Variants in TEP1 observed in about 807,000 individuals in gnomAD.
TEP1 encodes the protein telomerase protein component 1.
TEP1 carries 241 observed loss-of-function variants against 306.3 expected under a neutral mutation model. That is an observed-to-expected ratio of 0.79 (90% CI 0.71 to 0.88). The LOEUF (loss-of-function observed/expected upper bound fraction) is 0.88, where lower values mean the gene tolerates loss of function less well. Ranked by LOEUF, TEP1 falls within the 40% of genes least tolerant of loss-of-function variation. The pLI is 0.00. For synonymous variants in TEP1, 1,289 were observed against 1,305.5 expected, an observed-to-expected ratio of 0.99 and a Z score of 0.27; for missense variants, 3,051 against 3,276.1, an observed-to-expected ratio of 0.93 and a Z score of 1.68.
intron 1 of TEP1, among the ~76,000 whole-genome samples, chr14:20,412,746 C>T (rs1277025434): frequency 6.9e-6 from 1 of 144,534 alleles, no homozygotes; most frequent in Non-Finnish European, 1.5e-5. Context: ...GCAATCTCTG[C>T]CTGCCGAGTT....
At chr14:20,386,248 G>C in intron 19 of TEP1, 53 bp from the exon 20 acceptor site, 1 of 1,611,090 alleles carries the variant, frequency 6.2e-7, no homozygotes, top group East Asian at 2.2e-5. Context: ...ATGGTATCAG[G>C]GAACATAGGC....
chr14:20,411,782 C>A (rs1879696947), intron 1 of TEP1, among the ~76,000 whole-genome samples: 1 of 151,760 alleles, frequency 6.6e-6, no homozygotes, highest in Non-Finnish European at 1.5e-5. Flanking sequence ...AAATTAGAAA[C>A]CTCTGCCTAA....
intron 53 of TEP1, 80 bp from the exon 54 acceptor site, chr14:20,368,982 G>A: frequency 1.0e-6 from 1 of 956,720 alleles, no homozygotes; most frequent in Non-Finnish European, 1.6e-6. Flanking sequence ...TGCTGTGTCA[G>A]ACCTACAGCC....
At chr14:20,407,791 G>C in intron 2 of TEP1, 82 bp downstream of exon 2, 1 of 1,264,858 alleles carries the variant, frequency 7.9e-7, no homozygotes, top group Non-Finnish European at 1.1e-6. Flanking sequence ...GCAGCACAGA[G>C]GGAAACTGAG....
At chr14:20,383,467 C>A in intron 26 of TEP1, 21 bp downstream of exon 26, 1 of 1,613,992 alleles carries the variant, frequency 6.2e-7, no homozygotes, top group East Asian at 2.2e-5. Context: ...CTCCCGACAC[C>A]CACCTCCTTC....
At chr14:20,395,393 C>T in intron 12 of TEP1, 57 bp downstream of exon 12, 1 of 1,487,466 alleles carries the variant, frequency 6.7e-7, no homozygotes, top group Non-Finnish European at 9.0e-7. Flanking sequence ...TGACTTCCAA[C>T]CTGTGCCAGG....
At chr14:20,375,706 GC>G in intron 43 of TEP1, 48 bp downstream of exon 43, 1 of 1,267,808 alleles carries the variant, frequency 7.9e-7, no homozygotes, top group Non-Finnish European at 1.1e-6. Flanking sequence ...GTGTTGTCTT[GC>G]CCCAGGAACC....
chr14:20,389,327 T>C, intron 16 of TEP1, 30 bp from the exon 17 acceptor site: 2 of 1,611,382 alleles, frequency 1.2e-6, no homozygotes, highest in South Asian at 2.2e-5. Flanking sequence ...TCATTAACCA[T>C]CACAAACAAT....
At chr14:20,409,290 A>G (rs1879445783) in intron 1 of TEP1, among the ~76,000 whole-genome samples, 1 of 152,178 alleles carries the variant, frequency 6.6e-6, no homozygotes, top group South Asian at 2.1e-4. Context: ...TATTCTGACT[A>G]GATCTTCTGA....
At position 20,373,361 on chromosome 14, in the gene TEP1, G is replaced by A; in HGVS notation, c.6723C>T (p.Val2241=). The change falls in exon 47 of 55, where the codon GTC becomes GTT. Residue 2241 remains valine, a synonymous_variant. Coordinates refer to ENST00000262715, the MANE Select transcript of TEP1 (RefSeq NM_007110.5). Reference sequence around the variant, plus strand: ...AGGTTTCTGAAACAGCAGCAGCACGGACTGGGCCGCTGTGTCCCAGGAGGG... The same window carrying A: ...AGGTTTCTGAAACAGCAGCAGCACGAACTGGGCCGCTGTGTCCCAGGAGGG... ...THTLLGHSGP[V]RAAAVSETSG... 1 of 1,614,216 alleles carries A rather than the reference G, an allele frequency of 6.2e-7. No individual in the cohort carries two copies. The highest frequency in any genetic ancestry group is 8.5e-7 in the Non-Finnish European group (1 of 1,180,054).
intron 1 of TEP1, among the ~76,000 whole-genome samples, chr14:20,409,966 G>A (rs1016870735): frequency 1.5e-5 from 2 of 134,120 alleles, no homozygotes; most frequent in African/African-American, 5.5e-5. Flanking sequence ...AGCTTGCAGT[G>A]AGCCCAGATT....
intron 1 of TEP1, 102 bp from the exon 2 acceptor site, chr14:20,408,565 T>A (rs972836230): frequency 8.7e-6 from 8 of 917,278 alleles, no homozygotes; most frequent in South Asian, 5.2e-5. Flanking sequence ...TGCCAATGAT[T>A]TGTGGGTAGA....
Position 20,377,893 on chromosome 14 carries a change from C to T in TEP1, c.5721+131G>A, listed in dbSNP as rs1885287829. On this transcript the variant is annotated intron_variant, in intron 39 of 54. Transcript: ENST00000262715. ...AGCTGCCCCTGCACACAGCGGCACC[C>T]CTCTCCCCGTGGTTCCTGCAATCCA... The T allele has an allele frequency of 4.4e-5, 63 of 1,447,268 alleles. 1 individual carries two copies. The South Asian group carries it at 7.7e-4, about 18-fold the overall frequency. The allele number at this position is 1,447,268 out of a possible 1,614,324, so 89.7% of individuals were successfully genotyped here.
intron 1 of TEP1, among the ~76,000 whole-genome samples, chr14:20,412,680 C>CTTTTTTTTTTTTT (rs10717377): frequency 9.5e-6 from 1 of 105,398 alleles, no homozygotes. Flanking sequence ...TCACTCTTTC[C>CTTTTTTTTTTTTT]TTTTTTTTTT....
In TEP1 at chr14:20,389,258, G is replaced by A. The variant is rs978046286; in HGVS notation, c.2505C>T (p.Gly835=). Residue 835 remains glycine (G), a synonymous_variant, in exon 17 of 55, where the codon GGC becomes GGT. Transcript: ENST00000262715. ...CTCACTTCAGTATCGCATCAGTACA[G>A]CCTGAGAGTGTCACATCATTGGGAT... ...DLNPNDVTLS[G]CTDAILKFIA... is the part of the protein sequence containing the mutation. 8.7e-6 allele frequency: 14 copies of A among 1,614,034 alleles called. No homozygotes were observed. The highest frequency in any genetic ancestry group is 1.3e-5 in the African/African-American group (1 of 74,902).
In TEP1 at chr14:20,369,514, C is replaced by G; in HGVS notation, c.7486G>C (p.Glu2496Gln). 6.2e-7 allele frequency: 1 copy of G among 1,614,156 alleles called. No individual in the cohort carries two copies. Among genetic ancestry groups the G allele is most frequent in the Non-Finnish European group, 8.5e-7 (1 of 1,180,030 alleles). ...ATGTTACCTGTGGTCCATTCTCCTTCTGGGCTGCATTTGGCCAGGTTCCAT... is the reference window on the plus strand; with the variant it reads ...ATGTTACCTGTGGTCCATTCTCCTTGTGGGCTGCATTTGGCCAGGTTCCAT... ...ILWNLAKCSP[E>Q]GEWTTGNMWQ... The change falls in exon 53 of 55, where the codon GAA becomes CAA. Residue 2496 changes from glutamate (E) to glutamine (Q), a missense_variant. Glu to Gln is a conservative substitution (Grantham distance 29, BLOSUM62 2). Coordinates refer to ENST00000262715, the MANE Select transcript of TEP1 (RefSeq NM_007110.5).
chr14:20,389,115 T>C, intron 17 of TEP1, 123 bp downstream of exon 17: 1 of 905,108 alleles, frequency 1.1e-6, no homozygotes, highest in Non-Finnish European at 1.7e-6. Context: ...GCCACTGCAC[T>C]CCAGCCTGAG....
chr14:20,408,715 C>A (rs963815622), intron 1 of TEP1, among the ~76,000 whole-genome samples: 1 of 152,074 alleles, frequency 6.6e-6, no homozygotes, highest in African/African-American at 2.4e-5. Flanking sequence ...TGCCTGTAAT[C>A]CCAACACTTT....
chr14:20,383,862 G>A lies in TEP1; in HGVS notation c.3591C>T (p.Val1197=). 6.2e-7 allele frequency: 1 copy of A among 1,603,826 alleles called. No homozygotes were observed. Among genetic ancestry groups the A allele is most frequent in the Non-Finnish European group, 8.5e-7 (1 of 1,179,256 alleles). Residue 1197 remains valine, a synonymous_variant, in exon 25 of 55, where the codon GTC becomes GTT. Transcript: ENST00000262715. ...GACGAGCCCCAGAAAAGTGGAAGAAGACTAATGATGCCACCTTGGCCCCAT... is the reference window on the plus strand; with the variant it reads ...GACGAGCCCCAGAAAAGTGGAAGAAAACTAATGATGCCACCTTGGCCCCAT... ...APDGAKVASL[V]FFHFSGARPD...
Sources: gnomAD v4.1 joint callset for allele counts (sites outside exome capture counted in the v4.1 genomes callset) on GRCh38, gnomAD v4.1.1 for gene constraint, MANE v1.5 for transcripts, NCBI Gene and HGNC (gene_info 2026-07-23, HGNC 2026-07-21) for gene names.